KANK1: variants seen among roughly 807,000 people sequenced by gnomAD.
The protein encoded by KANK1 is KN motif and ankyrin repeat domain-containing protein 1.
In KANK1, 109 loss-of-function variants were observed where a neutral mutation model predicts 106.2. The observed-to-expected ratio is 1.03, with a 90% CI of 0.88 to 1.20. KANK1 has a LOEUF of 1.20. Among genes scored for constraint, KANK1 ranks in the 50% most tolerant of loss-of-function variants. The pLI, the probability that KANK1 is intolerant of heterozygous loss-of-function variation, is 0.00. For missense variants in KANK1, 2,399 were observed against 1,710.7 expected, an observed-to-expected ratio of 1.40 and a Z score of -7.10; for synonymous variants, 873 against 652.2, an observed-to-expected ratio of 1.34 and a Z score of -5.16.
intron 3 of KANK1, among the ~76,000 whole-genome samples, chr9:479,771 C>T (rs189536702): frequency 6.6e-6 from 1 of 152,336 alleles, no homozygotes; most frequent in Non-Finnish European, 1.5e-5. Flanking sequence ...AGAATGCCCA[C>T]CTGGCATCTT....
rs1313626280 is a variant in KANK1, at chr9:712,488, G to A, written c.1722G>A (p.Arg574=). Reference sequence around the variant, plus strand: ...TGAATTGGTGGATTGTTAAGGAGAGGGTGGAAATGCATGACCGATGTGCTG... The same window carrying A: ...TGAATTGGTGGATTGTTAAGGAGAGAGTGGAAATGCATGACCGATGTGCTG... ...LPMNWWIVKE[R]VEMHDRCAGR... The change falls in exon 3 of 12, where the codon AGG becomes AGA. Residue 574 remains arginine, a synonymous_variant. Transcript: ENST00000382297. 1.9e-6 allele frequency: 3 copies of A among 1,614,066 alleles called. No individual in the cohort carries two copies. Among genetic ancestry groups the A allele is most frequent in the South Asian group, 1.1e-5 (1 of 91,086 alleles).
intron 1 of KANK1, among the ~76,000 whole-genome samples, chr9:676,080 A>T (rs929375207): frequency 3.3e-5 from 5 of 152,190 alleles, no homozygotes; most frequent in Non-Finnish European, 7.3e-5. Flanking sequence ...TTTCATCTCC[A>T]TCTTGGTTTT....
At chr9:570,686 T>C (rs1309226068) in intron 1 of KANK1, among the ~76,000 whole-genome samples, 1 of 152,226 alleles carries the variant, frequency 6.6e-6, no homozygotes, top group Non-Finnish European at 1.5e-5. Context: ...TTGTCATCTA[T>C]ACCAAGCCTT....
At chr9:664,762 T>C (rs1479555799) in intron 1 of KANK1, among the ~76,000 whole-genome samples, 1 of 152,222 alleles carries the variant, frequency 6.6e-6, no homozygotes, top group Non-Finnish European at 1.5e-5. Flanking sequence ...GTGTTTTCTA[T>C]AGTGGCTGTA....
intron 2 of KANK1, chr9:706,950 C>T (rs1466587608): frequency 8.1e-6 from 8 of 985,468 alleles, no homozygotes; most frequent in Non-Finnish European, 9.6e-6. Context: ...AATCAGCTGG[C>T]AAAGCGGGAG....
intron 1 of KANK1, among the ~76,000 whole-genome samples, chr9:652,510 C>A (rs145636367): frequency 6.6e-6 from 1 of 151,560 alleles, no homozygotes; most frequent in African/African-American, 2.4e-5. Context: ...GCGACAAGAG[C>A]GAAACTGTGT....
chr9:600,180 T>C (rs1827372565), intron 1 of KANK1, among the ~76,000 whole-genome samples: 1 of 151,738 alleles, frequency 6.6e-6, no homozygotes, highest in African/African-American at 2.4e-5. Context: ...AAGCGCTATA[T>C]CTGTTATACA....
chr9:544,794 G>A (rs1198618634), intron 1 of KANK1, among the ~76,000 whole-genome samples: 1 of 100,638 alleles, frequency 9.9e-6, no homozygotes, highest in East Asian at 3.5e-4. Context: ...ACCAAAGAGA[G>A]TTTAGTGTGT....
At chr9:496,107 A>G (rs902155271) in intron 3 of KANK1, among the ~76,000 whole-genome samples, 1 of 152,174 alleles carries the variant, frequency 6.6e-6, no homozygotes, top group African/African-American at 2.4e-5. Context: ...TCTTGCAGCT[A>G]TTTGAACCTC....
chr9:476,666 A>G (rs1203984956), intron 3 of KANK1: 1 of 152,186 alleles, frequency 6.6e-6, no homozygotes, highest in African/African-American at 2.4e-5. Flanking sequence ...TGAAATATCA[A>G]ACTGTACCAA....
intron 3 of KANK1, among the ~76,000 whole-genome samples, chr9:483,229 C>G (rs1428272319): frequency 2.6e-5 from 4 of 152,024 alleles, no homozygotes; most frequent in Admixed American, 2.6e-4. Flanking sequence ...TTTTGGGCAT[C>G]CTCTGGGGTC....
intron 1 of KANK1, among the ~76,000 whole-genome samples, chr9:576,182 A>G (rs1820508276): frequency 6.6e-6 from 1 of 152,226 alleles, no homozygotes; most frequent in Non-Finnish European, 1.5e-5. Context: ...CTGTGTTTTT[A>G]CAAAGCCCTC....
At chr9:573,331 G>A (rs890923739) in intron 1 of KANK1, among the ~76,000 whole-genome samples, 9 of 151,984 alleles carry the variant, frequency 5.9e-5, no homozygotes, top group Admixed American at 2.0e-4. Flanking sequence ...GTGCAGTGGC[G>A]CAATCTTGGC....
In KANK1 at chr9:739,847, AGCAGAGTCC is replaced by A. The variant is rs543497343; in HGVS notation, c.3554-941_3554-933del. 4.9e-3 allele frequency among the ~76,000 whole-genome samples: 739 copies of A among 152,146 alleles called. 5 individuals are homozygous for A. Among genetic ancestry groups the A allele is most frequent in the African/African-American group, 0.015 (636 of 41,518 alleles). On this transcript the variant is annotated intron_variant, in intron 8 of 11. Coordinates refer to ENST00000382297, the MANE Select transcript of KANK1 (RefSeq NM_015158.5). ...CTAGGATGCTTCAGCATCTATGCAG[AGCAGAGTCC>A]GCAAAGTCCGAGGTGCTAAGGAGCC...
intron 1 of KANK1, among the ~76,000 whole-genome samples, chr9:555,892 A>G (rs1353602990): frequency 6.6e-6 from 1 of 152,214 alleles, no homozygotes; most frequent in Non-Finnish European, 1.5e-5. Context: ...AAAAACAAAC[A>G]ACTTTTAACC....
At position 598,640 on chromosome 9, in the gene KANK1, T is replaced by C. The variant is rs1000258698; in HGVS notation, c.-83-78250T>C. ...GTTTTCTTTTTTTTTTTTTTTTTTT[T>C]TTTTTTTTTTGAGACAGTCTCATTC... On this transcript the variant is annotated intron_variant, in intron 1 of 11. Transcript: ENST00000382297. Among the ~76,000 whole-genome samples, 43 of 122,236 alleles carry C rather than the reference T, an allele frequency of 3.5e-4. 5 individuals carry two copies. The highest frequency in any genetic ancestry group is 1.5e-3 in the African/African-American group (43 of 29,550). The allele number at this position is 122,236 out of a possible 152,430, so 80.2% of individuals were successfully genotyped here. A position where few individuals can be genotyped will look rare whatever the true frequency, so the allele number is the denominator to read the frequency against.
intron 2 of KANK1, among the ~76,000 whole-genome samples, chr9:702,081 G>A (rs1822817423): frequency 6.6e-6 from 1 of 152,178 alleles, no homozygotes; most frequent in Non-Finnish European, 1.5e-5. Context: ...TGAACACAGA[G>A]GAATTTGGTC....
At chr9:722,878 C>G (rs1466823582) in intron 3 of KANK1, among the ~76,000 whole-genome samples, 3 of 152,104 alleles carry the variant, frequency 2.0e-5, no homozygotes, top group Admixed American at 6.6e-5. Flanking sequence ...GGGAGGAACT[C>G]AAGATGCTGA....
At chr9:556,731 T>C (rs529317722) in intron 1 of KANK1, among the ~76,000 whole-genome samples, 1 of 152,332 alleles carries the variant, frequency 6.6e-6, no homozygotes, top group African/African-American at 2.4e-5. Context: ...ATGATGTTCC[T>C]GAATAGTTTT....
Sources: gnomAD v4.1 joint callset for allele counts (sites outside exome capture counted in the v4.1 genomes callset) on GRCh38, gnomAD v4.1.1 for gene constraint, MANE v1.5 for transcripts, NCBI Gene and HGNC (gene_info 2026-07-23, HGNC 2026-07-21) for gene names.